Variants in GPHN observed in about 807,000 individuals in gnomAD.
The protein encoded by GPHN is gephyrin.
In GPHN, 17 loss-of-function variants were observed where a neutral mutation model predicts 95.5. The ratio of observed to expected loss-of-function variants is 0.18; its 90% confidence interval spans 0.12 to 0.27. GPHN has a LOEUF of 0.27. Ranked by LOEUF, GPHN falls within the 10% of genes least tolerant of loss-of-function variation. The pLI is 1.00. For missense variants in GPHN, 660 were observed against 978.1 expected (o/e 0.67, Z 4.34); for synonymous variants, 320 against 322.5 (o/e 0.99, Z 0.08).
intron 4 of GPHN, among the ~76,000 whole-genome samples, chr14:66,874,894 G>A (rs1199194313): frequency 3.3e-5 from 5 of 152,102 alleles, no homozygotes; most frequent in Admixed American, 3.3e-4. Flanking sequence ...TTCAAATTCA[G>A]GAAATACAAA....
the GPHN span, among the ~76,000 whole-genome samples, chr14:67,469,440 C>CTT: frequency 0.023 from 1,882 of 80,994 alleles, 25 homozygotes; most frequent in Non-Finnish European, 0.026. Context: ...CCATGCCTGG[C>CTT]TTTTTTTTTT....
chr14:66,885,392 A>G (rs2064137476), intron 5 of GPHN, among the ~76,000 whole-genome samples: 1 of 152,160 alleles, frequency 6.6e-6, no homozygotes, highest in South Asian at 2.1e-4. Flanking sequence ...ATTTGGGTCA[A>G]TTTTAACCTA....
the GPHN span, chr14:67,384,804 C>A: frequency 1.3e-5 from 2 of 152,080 alleles, no homozygotes; most frequent in Admixed American, 6.6e-5. Flanking sequence ...TGATTGCTAG[C>A]CAGCATTCCA....
At chr14:67,656,480 A>G in the GPHN span, 2 of 1,613,494 alleles carry the variant, frequency 1.2e-6, no homozygotes, top group Non-Finnish European at 1.7e-6. Flanking sequence ...TTCTGAGCCA[A>G]TCTGGTCAGT....
At chr14:66,799,797 G>A (rs1424100747) in intron 3 of GPHN, among the ~76,000 whole-genome samples, 1 of 151,778 alleles carries the variant, frequency 6.6e-6, no homozygotes, top group Non-Finnish European at 1.5e-5. Context: ...AGCATTTAGT[G>A]TAATTACATT....
intron 4 of GPHN, among the ~76,000 whole-genome samples, chr14:66,827,733 A>C (rs1040688190): frequency 6.6e-6 from 1 of 151,998 alleles, no homozygotes; most frequent in African/African-American, 2.4e-5. Flanking sequence ...AATCTTGTTA[A>C]ATTATTTCTT....
At chr14:67,253,691 A>C in the GPHN span, among the ~76,000 whole-genome samples, 1 of 152,090 alleles carries the variant, frequency 6.6e-6, no homozygotes, top group East Asian at 1.9e-4. Context: ...CAAAAAATAC[A>C]AAAAAATTAG....
At chr14:67,419,582 G>A in the GPHN span, among the ~76,000 whole-genome samples, 2 of 152,100 alleles carry the variant, frequency 1.3e-5, no homozygotes, top group African/African-American at 2.4e-5. Context: ...CTGCATCCAG[G>A]CGGGGGGCGG....
At chr14:66,743,033 AG>A (rs1440396822) in intron 2 of GPHN, among the ~76,000 whole-genome samples, 3 of 151,852 alleles carry the variant, frequency 2.0e-5, no homozygotes, top group African/African-American at 4.8e-5. Context: ...AGAAAGTTGG[AG>A]TTAGGACTGT....
At chr14:67,388,344 C>A in the GPHN span, 12 of 1,265,368 alleles carry the variant, frequency 9.5e-6, no homozygotes, top group Non-Finnish European at 1.3e-5. Context: ...TGTGAATGAA[C>A]AAAAGGGAAG....
intron 2 of GPHN, among the ~76,000 whole-genome samples, chr14:66,711,402 T>C (rs982106689): frequency 2.0e-5 from 3 of 152,146 alleles, no homozygotes; most frequent in Admixed American, 2.0e-4. Flanking sequence ...AGTATTCCTT[T>C]GTATATATAT....
chr14:67,555,788 T>C, the GPHN span: 3 of 1,610,462 alleles, frequency 1.9e-6, no homozygotes, highest in South Asian at 3.3e-5. Flanking sequence ...AGTAGGGACA[T>C]GGCACCTACA....
chr14:66,560,765 C>T (rs780304314), intron 1 of GPHN, among the ~76,000 whole-genome samples: 34 of 152,294 alleles, frequency 2.2e-4, no homozygotes, highest in Non-Finnish European at 4.3e-4. Context: ...CTGGCCAGAA[C>T]TTCCAACACT....
At chr14:67,001,835 A>G (rs997837430) in intron 9 of GPHN, among the ~76,000 whole-genome samples, 1 of 151,748 alleles carries the variant, frequency 6.6e-6, no homozygotes, top group Admixed American at 6.6e-5. Flanking sequence ...ATTTACACAG[A>G]TTTGGTTTAC....
At chr14:67,359,904 G>A in the GPHN span, 111 of 592,436 alleles carry the variant, frequency 1.9e-4, no homozygotes, top group African/African-American at 3.8e-5. Context: ...CAGAACAGAG[G>A]CGTTGCCCGG....
At chr14:67,081,997 A>G (rs904609419) in intron 11 of GPHN, among the ~76,000 whole-genome samples, 12 of 152,094 alleles carry the variant, frequency 7.9e-5, no homozygotes, top group African/African-American at 2.2e-4. Flanking sequence ...TTTAGTGACT[A>G]TGGCCTTACG....
chr14:67,352,748 A>G, the GPHN span: 21 of 541,594 alleles, frequency 3.9e-5, no homozygotes, highest in Admixed American at 6.1e-4. Context: ...AAGATTAAAG[A>G]GTTTGGATTT....
chr14:66,813,951 T>G (rs1566972545), intron 3 of GPHN, among the ~76,000 whole-genome samples: 1 of 152,142 alleles, frequency 6.6e-6, no homozygotes, highest in Non-Finnish European at 1.5e-5. Flanking sequence ...GGCATCCCTA[T>G]GGCCACGCAC....
chr14:67,337,510 CTG>C, the GPHN span: 3 of 146,964 alleles, frequency 2.0e-5, no homozygotes, highest in African/African-American at 7.8e-5. Context: ...GAGTGAGACT[CTG>C]TTTCAAAAAA....
Sources: gnomAD v4.1 joint callset for allele counts (sites outside exome capture counted in the v4.1 genomes callset) on GRCh38, gnomAD v4.1.1 for gene constraint, MANE v1.5 for transcripts, NCBI Gene and HGNC (gene_info 2026-07-23, HGNC 2026-07-21) for gene names.